The following CACNG6 variants were observed in gnomAD, a reference collection of about 807,000 sequenced individuals.
CACNG6 encodes the protein voltage-dependent calcium channel gamma-6 subunit.
A neutral mutation model predicts 23.9 loss-of-function variants in CACNG6; 21 were observed. The ratio of observed to expected loss-of-function variants is 0.88; its 90% CI spans 0.62 to 1.26. The LOEUF (loss-of-function observed/expected upper bound fraction) is 1.26, where lower values mean the gene tolerates loss of function less well. Among genes scored for constraint, CACNG6 ranks in the 50% most tolerant of loss-of-function variants. The pLI, the probability that CACNG6 is intolerant of heterozygous loss-of-function variation, is 0.00. For missense variants in CACNG6, 340 were observed against 352.9 expected (o/e 0.96, Z 0.29); for synonymous variants, 182 against 168.9 (o/e 1.08, Z -0.60).
At chr19:54,001,109 C>A (rs1156957424) in intron 3 of CACNG6, among the ~76,000 whole-genome samples, 1 of 152,116 alleles carries the variant, frequency 6.6e-6, no homozygotes, top group Non-Finnish European at 1.5e-5. Context: ...TGCCCTGAAT[C>A]ACTGTGTGGC....
Position 54,005,210 on chromosome 19 carries a change from AAAAT to A in CACNG6, c.544+5478_544+5481del, listed in dbSNP as rs369829612. ...GGCGACAGAGCGAGACTCCATCTCA[AAAAT>A]AAATAAATAAATAAATAAATAAATA... On this transcript the variant is annotated intron_variant, in intron 3 of 3. Coordinates refer to ENST00000252729, the MANE Select transcript of CACNG6 (RefSeq NM_145814.2). Among the ~76,000 whole-genome samples the A allele has an allele frequency of 7.4e-3, 985 of 132,826 alleles. 8 individuals carry two copies. Among genetic ancestry groups the A allele is most frequent in the Middle Eastern group, 0.034 (9 of 264 alleles). 87.1% of individuals were successfully genotyped at this position (132,826 alleles called of 152,430 possible). A position where few individuals can be genotyped will look rare whatever the true frequency, so the allele number is the denominator to read the frequency against.
intron 3 of CACNG6, among the ~76,000 whole-genome samples, chr19:54,002,237 G>A (rs1035798546): frequency 8.0e-5 from 12 of 150,116 alleles, no homozygotes; most frequent in African/African-American, 2.2e-4. Context: ...GGGAATACAG[G>A]TGCATGCCGC....
rs935937443 is a variant in CACNG6 at position 53,992,357 on chromosome 19, A to C, written c.-521A>C. ...CACATCTCCTCCAAACACACACAGG[A>C]CCTCAGGTCCCTTCCTGGGTACCCC... On this transcript the variant is annotated 5_prime_UTR_variant, in exon 1 of 4. Coordinates refer to ENST00000252729, the MANE Select transcript of CACNG6 (RefSeq NM_145814.2). This position sits in a 1 kb window ranked among gnomAD's most constrained non-coding sequence, Gnocchi z 4.1. 6.6e-6 allele frequency: 1 copy of C among 152,268 alleles called. No homozygotes were observed. Among genetic ancestry groups the C allele is most frequent in the African/African-American group, 2.4e-5 (1 of 41,412 alleles). The allele number at this position is 152,268 out of a possible 1,614,324, so 9.4% of individuals were successfully genotyped here.
At chr19:54,011,206 ATATAT>A (rs1369442668) in intron 3 of CACNG6, among the ~76,000 whole-genome samples, 1 of 99,678 alleles carries the variant, frequency 1.0e-5, no homozygotes. Context: ...AAAAAAAAAA[ATATAT>A]ATATATATAT....
At chr19:54,005,005 TTGGA>T (rs1568816654) in intron 3 of CACNG6, among the ~76,000 whole-genome samples, 1 of 140,366 alleles carries the variant, frequency 7.1e-6, no homozygotes, top group Non-Finnish European at 1.5e-5. Flanking sequence ...AGATCAGGAG[TTGGA>T]GACCAGCCTG....
At chr19:54,008,195 A>G (rs1002648961) in intron 3 of CACNG6, among the ~76,000 whole-genome samples, 2 of 151,634 alleles carry the variant, frequency 1.3e-5, no homozygotes, top group Non-Finnish European at 2.9e-5. Flanking sequence ...TCTACTAAAA[A>G]TACAAAAATG....
chr19:54,001,525 C>T (rs1424033340), intron 3 of CACNG6, among the ~76,000 whole-genome samples: 1 of 152,236 alleles, frequency 6.6e-6, no homozygotes, highest in Non-Finnish European at 1.5e-5. Context: ...CAACACCTTC[C>T]TGTGCACCCC....
At chr19:54,006,233 G>C (rs1000201341) in intron 3 of CACNG6, among the ~76,000 whole-genome samples, 2 of 151,676 alleles carry the variant, frequency 1.3e-5, no homozygotes, top group African/African-American at 4.8e-5. Flanking sequence ...GTATTCATTT[G>C]CCAGGGCCAC....
intron 3 of CACNG6, among the ~76,000 whole-genome samples, chr19:54,011,445 A>C (rs983435111): frequency 8.7e-5 from 13 of 148,832 alleles, no homozygotes; most frequent in Non-Finnish European, 1.5e-4. Context: ...AAAAAAAAAA[A>C]AAAAAAAACA....
rs77373154 is a variant in CACNG6 at position 53,995,232 on chromosome 19, C to T, written c.331+2024C>T. On this transcript the variant is annotated intron_variant, in intron 1 of 3. Coordinates refer to ENST00000252729, the MANE Select transcript of CACNG6 (RefSeq NM_145814.2). ...TGGAGGGGTGGCCCATCCCATCTCA[C>T]CGCATTGTATGGGGTTCCTTGCATC... Among the ~76,000 whole-genome samples the T allele has an allele frequency of 2.2e-3, 334 of 152,292 alleles. 3 individuals are homozygous for T. The highest frequency in any genetic ancestry group is 5.2e-3 in the South Asian group (25 of 4,824).
chr19:54,005,620 G>A (rs1419132540), intron 3 of CACNG6, among the ~76,000 whole-genome samples: 1 of 151,800 alleles, frequency 6.6e-6, no homozygotes, highest in Admixed American at 6.6e-5. Context: ...CGGGCATGGT[G>A]GTGATGCCTG....
intron 3 of CACNG6, among the ~76,000 whole-genome samples, chr19:54,006,833 C>G (rs2069652744): frequency 1.5e-5 from 2 of 129,314 alleles, no homozygotes; most frequent in South Asian, 5.2e-4. Context: ...CTGTGCCCGG[C>G]CTTCTTTTTT....
intron 3 of CACNG6, among the ~76,000 whole-genome samples, chr19:54,008,052 G>C (rs150900042): frequency 1.1e-3 from 170 of 152,230 alleles, no homozygotes; most frequent in African/African-American, 3.8e-3. Context: ...CATTCTCCAG[G>C]CCCTGAATCA....
intron 3 of CACNG6, among the ~76,000 whole-genome samples, chr19:54,009,958 A>G (rs1490341307): frequency 6.6e-6 from 1 of 151,758 alleles, no homozygotes; most frequent in Non-Finnish European, 1.5e-5. Flanking sequence ...TTGCATTGCA[A>G]TATGACTTTA....
intron 3 of CACNG6, among the ~76,000 whole-genome samples, chr19:54,004,787 G>A (rs2069621454): frequency 6.6e-6 from 1 of 152,056 alleles, no homozygotes; most frequent in Non-Finnish European, 1.5e-5. Context: ...GGCGCTTCAC[G>A]TGTCTCGTTT....
intron 1 of CACNG6, among the ~76,000 whole-genome samples, chr19:53,996,480 C>T (rs2069522429): frequency 1.3e-5 from 2 of 151,790 alleles, no homozygotes; most frequent in African/African-American, 4.8e-5. Flanking sequence ...GCAACCTCTG[C>T]TTCCCGGGTT....
intron 3 of CACNG6, among the ~76,000 whole-genome samples, chr19:54,006,932 A>G (rs1158474633): frequency 1.3e-5 from 2 of 150,890 alleles, no homozygotes; most frequent in Non-Finnish European, 2.9e-5. Flanking sequence ...TCCTGGCCTC[A>G]AGAGATCCTC....
intron 3 of CACNG6, among the ~76,000 whole-genome samples, chr19:54,004,900 AAAAT>A (rs57494617): frequency 1.5e-4 from 22 of 151,598 alleles, no homozygotes; most frequent in South Asian, 2.1e-4. Flanking sequence ...GAAAATGTTA[AAAAT>A]AAATAAATAA....
chr19:54,004,617 C>T lies in CACNG6; in HGVS notation c.544+4846C>T, dbSNP rs2069618958. On this transcript the variant is annotated intron_variant, in intron 3 of 3. Transcript: ENST00000252729. The stretch of plus-strand genomic sequence containing the variant: ...CTAGAATAACATGGTGGCAAGGCCT[C>T]GCGCGGGCTGACTCCCGGCGCCCTG... Among the ~76,000 whole-genome samples the T allele has an allele frequency of 3.9e-5, 6 of 152,222 alleles. No individual in the cohort carries two copies. The South Asian group carries it at 1.2e-3, about 32-fold the overall frequency.
Sources: gnomAD v4.1 joint callset for allele counts (sites outside exome capture counted in the v4.1 genomes callset) on GRCh38, gnomAD v4.1.1 for gene constraint, Gnocchi (gnomAD v3.1) non-coding constraint, MANE v1.5 for transcripts, NCBI Gene and HGNC (gene_info 2026-07-23, HGNC 2026-07-21) for gene names.